The following PCDH11Y variants were observed in gnomAD, a reference collection of about 807,000 sequenced individuals.
PCDH11Y encodes protocadherin-11 Y-linked.
For synonymous variants in PCDH11Y, 9 were observed against 83.6 expected, an observed-to-expected ratio of 0.11 and a Z score of 4.87; for missense variants, 12 against 224.8, an observed-to-expected ratio of 0.05 and a Z score of 6.05.
At chrY:5,178,677 T>C (rs2052896427) in intron 2 of PCDH11Y, among the ~76,000 whole-genome samples, 1 of 32,232 alleles carries the variant, frequency 3.1e-5, no homozygotes. Context: ...GTTTGTTACA[T>C]AGGAAAACGT....
At chrY:5,585,064 C>A (rs2124697760) in intron 4 of PCDH11Y, among the ~76,000 whole-genome samples, 9 of 32,060 alleles carry the variant, frequency 2.8e-4, no homozygotes, top group Middle Eastern at 0.014. Flanking sequence ...ATGCATGTGT[C>A]TTTATAATAG....
chrY:5,383,766 G>A (rs2053207887), intron 2 of PCDH11Y, among the ~76,000 whole-genome samples: 2 of 31,459 alleles, frequency 6.4e-5, no homozygotes, highest in Admixed American at 3.0e-4. Context: ...TTACAGGCAC[G>A]CACTGCCATT....
intron 2 of PCDH11Y, among the ~76,000 whole-genome samples, chrY:5,347,020 T>C (rs1446739589): frequency 7.5e-4 from 25 of 33,248 alleles, no homozygotes; most frequent in Non-Finnish European, 2.9e-4. Flanking sequence ...ATTATATTTA[T>C]GAAACTTACT....
Position 5,194,795 on chromosome Y carries a change from C to A in PCDH11Y, c.3129+94088C>A, listed in dbSNP as rs2124648885. On this transcript the variant is annotated intron_variant, in intron 2 of 4. Coordinates refer to the PCDH11Y transcript ENST00000400457. ...TCCACCACGTGGAAGGGGACCCCAGCGGGTTGCCACTGCTGGCGAGGGTGG... is the reference window on the plus strand; with the variant it reads ...TCCACCACGTGGAAGGGGACCCCAGAGGGTTGCCACTGCTGGCGAGGGTGG... Among the ~76,000 whole-genome samples the A allele has an allele frequency of 4.3e-4, 14 of 32,597 alleles. No homozygotes were observed. In the South Asian group the frequency reaches 9.8e-3, roughly 23 times the overall value. 87.5% of individuals were successfully genotyped at this position (32,597 alleles called of 37,273 possible).
chrY:5,666,951 T>A, intron 4 of PCDH11Y, among the ~76,000 whole-genome samples: 1 of 29,178 alleles, frequency 3.4e-5, no homozygotes, highest in Non-Finnish European at 8.1e-5. Flanking sequence ...CTTTTTTTTT[T>A]ATTTTTTTAT....
At chrY:5,397,677 T>G in intron 2 of PCDH11Y, among the ~76,000 whole-genome samples, 1 of 32,527 alleles carries the variant, frequency 3.1e-5, no homozygotes, top group Non-Finnish European at 7.5e-5. Context: ...TGTTTTTGAT[T>G]GTCTGTTTGT....
At chrY:5,738,440 T>A (rs2053613584) in exon 5 of PCDH11Y, 1 of 42,549 alleles carries the variant, frequency 2.4e-5, no homozygotes. Context: ...GGTTTTCAGT[T>A]TTTTTGTTGT....
intron 4 of PCDH11Y, among the ~76,000 whole-genome samples, chrY:5,731,507 TCTC>T: frequency 3.0e-5 from 1 of 33,294 alleles, no homozygotes; most frequent in East Asian, 7.9e-4. Flanking sequence ...ATTTGGGTCA[TCTC>T]CTGTTAATCT....
intron 4 of PCDH11Y, among the ~76,000 whole-genome samples, chrY:5,672,056 A>C (rs2124708483): frequency 3.0e-5 from 1 of 33,117 alleles, no homozygotes; most frequent in South Asian, 6.6e-4. Context: ...TATCACATTG[A>C]TTGATTTGTG....
rs1230951144 is a variant in PCDH11Y at position 5,624,604 on chromosome Y, A to G, written c.3352+42806A>G. Among the ~76,000 whole-genome samples the G allele has an allele frequency of 1.6e-4, 5 of 32,220 alleles. No individual in the cohort carries two copies. In the East Asian group the frequency reaches 4.1e-3, roughly 26 times the overall value. 86.4% of individuals were successfully genotyped at this position (32,220 alleles called of 37,273 possible). Reference sequence around the variant, plus strand: ...CTGTTTCAATCTTCTGGATATGGCTATTCAATTATCTCAACACCTTCTATT... The same window carrying G: ...CTGTTTCAATCTTCTGGATATGGCTGTTCAATTATCTCAACACCTTCTATT... On this transcript the variant is annotated intron_variant, in intron 4 of 4. Transcript: ENST00000400457.
chrY:5,516,007 A>G, intron 3 of PCDH11Y, among the ~76,000 whole-genome samples: 2 of 33,818 alleles, frequency 5.9e-5, no homozygotes, highest in Non-Finnish European at 1.5e-4. Flanking sequence ...AGGAACTGGC[A>G]AAGATTTCAA....
chrY:5,694,032 T>C, intron 4 of PCDH11Y, among the ~76,000 whole-genome samples: 1 of 32,930 alleles, frequency 3.0e-5, no homozygotes, highest in East Asian at 8.0e-4. Context: ...CAAAAAATAC[T>C]GTGTGTTTGG....
At chrY:5,239,631 A>C in intron 2 of PCDH11Y, among the ~76,000 whole-genome samples, 1 of 33,980 alleles carries the variant, frequency 2.9e-5, no homozygotes, top group Non-Finnish European at 7.3e-5. Context: ...AAAACAAAAT[A>C]AAATAAAATA....
At chrY:5,674,559 T>A in intron 4 of PCDH11Y, among the ~76,000 whole-genome samples, 2 of 33,642 alleles carry the variant, frequency 5.9e-5, no homozygotes, top group African/African-American at 2.3e-4. Context: ...ATCATGATGA[T>A]ATTTTAACAT....
chrY:5,045,727 TC>T (rs2052634664), intron 3 of PCDH11Y, among the ~76,000 whole-genome samples: 3 of 33,325 alleles, frequency 9.0e-5, no homozygotes, highest in Admixed American at 8.3e-4. Context: ...GGTTCCATTC[TC>T]CCCATCACTT....
At chrY:5,128,142 G>A in intron 2 of PCDH11Y, among the ~76,000 whole-genome samples, 3 of 32,277 alleles carry the variant, frequency 9.3e-5, no homozygotes, top group Admixed American at 5.8e-4. Flanking sequence ...TTACGTTTGA[G>A]GATCATATTT....
chrY:5,193,740 G>C (rs1602883782), intron 2 of PCDH11Y, among the ~76,000 whole-genome samples: 8 of 33,347 alleles, frequency 2.4e-4, no homozygotes, highest in Admixed American at 1.1e-3. Flanking sequence ...TATGTATTCA[G>C]TGACACCTCT....
chrY:5,640,870 A>G, intron 4 of PCDH11Y, among the ~76,000 whole-genome samples: 1 of 32,169 alleles, frequency 3.1e-5, no homozygotes. Flanking sequence ...TCTTTTCTCT[A>G]TGAAAGTCCT....
chrY:5,417,895 T>G, intron 2 of PCDH11Y, among the ~76,000 whole-genome samples: 1 of 33,616 alleles, frequency 3.0e-5, no homozygotes, highest in African/African-American at 1.2e-4. Context: ...AAACTGTGCA[T>G]ATATTTGCAT....
Sources: allele counts gnomAD v4.1 joint callset (sites outside exome capture counted in the v4.1 genomes callset), GRCh38; gene constraint gnomAD v4.1.1; transcripts MANE v1.5; gene names NCBI Gene and HGNC (gene_info 2026-07-23, HGNC 2026-07-21).